Variants in FAM13A observed in about 807,000 individuals in gnomAD.
The protein encoded by FAM13A is family with sequence similarity 13 member A.
In FAM13A, 76 loss-of-function variants were observed where a neutral mutation model predicts 129.6. The ratio of observed to expected loss-of-function variants is 0.59; its 90% confidence interval spans 0.49 to 0.71. The LOEUF is 0.71. FAM13A is among the 30% of genes least tolerant of loss of function. The pLI is 0.00. For missense variants in FAM13A, 1,108 were observed against 1,249.3 expected (o/e 0.89, Z 1.70); for synonymous variants, 443 against 449.9 (o/e 0.98, Z 0.20).
chr4:88,728,790 G>T, intron 23 of FAM13A, 131 bp from the exon 24 acceptor site: 1 of 1,047,572 alleles, frequency 9.5e-7, no homozygotes, highest in Non-Finnish European at 1.4e-6. Flanking sequence ...TTGCCGAGTG[G>T]CCCTTGGTCT....
At chr4:88,982,104 A>G (rs1485379300) in intron 4 of FAM13A, among the ~76,000 whole-genome samples, 2 of 152,246 alleles carry the variant, frequency 1.3e-5, no homozygotes, top group Non-Finnish European at 2.9e-5. Flanking sequence ...GGTAGAGCCA[A>G]GGCAATCTGA....
intron 6 of FAM13A, among the ~76,000 whole-genome samples, chr4:88,889,736 G>A (rs900847323): frequency 2.0e-5 from 3 of 152,084 alleles, no homozygotes; most frequent in Non-Finnish European, 4.4e-5. Context: ...CATTTCAGAG[G>A]GCATGTTTTC....
At position 88,746,971 on chromosome 4, in the gene FAM13A, C is replaced by G; in HGVS notation, c.2427G>C (p.Gln809His). ...TGCTTTCATAATATAACAGAGCTTT[C>G]TGCAGAGCCACTTTCTCATTAGCAA... is the stretch of plus-strand genomic sequence containing the variant. ...DQIANEKVAL[Q>H]KALLYYESIH... The change falls in exon 19 of 24, where the codon CAG becomes CAC. Residue 809 changes from glutamine to histidine, a missense_variant. Gln to His is a conservative substitution (Grantham distance 24, BLOSUM62 0). This residue lies in a region of FAM13A where 529 missense variants were observed against 621.2 expected (regional missense o/e 0.85). Coordinates refer to ENST00000264344, the MANE Select transcript of FAM13A (RefSeq NM_014883.4). 1 of 1,613,814 alleles carries G rather than the reference C, an allele frequency of 6.2e-7. No individual in the cohort carries two copies. The highest frequency in any genetic ancestry group is 8.5e-7 in the Non-Finnish European group (1 of 1,179,718).
In FAM13A at chr4:88,821,710, C is replaced by G. The variant is rs144274527; in HGVS notation, c.1008-16658G>C. On this transcript the variant is annotated intron_variant, in intron 7 of 23. Transcript: ENST00000264344. ...TCAAGACTCCACAAAGTGTTTTAGT[C>G]TCTCACAAGCTTTAAGCATGTGGAC... Among the ~76,000 whole-genome samples the G allele has an allele frequency of 2.3e-4, 35 of 152,256 alleles. 1 individual carries two copies. The East Asian group carries it at 5.8e-3, about 25-fold the overall frequency.
At chr4:88,887,534 C>CTTTCT (rs1479927504) in intron 6 of FAM13A, among the ~76,000 whole-genome samples, 17 of 117,738 alleles carry the variant, frequency 1.4e-4, no homozygotes, top group African/African-American at 4.4e-4. Flanking sequence ...TTCTTTCTTT[C>CTTTCT]TTTTTTTTTT....
intron 3 of FAM13A, among the ~76,000 whole-genome samples, chr4:89,007,063 T>C (rs1463223950): frequency 6.6e-6 from 1 of 152,176 alleles, no homozygotes; most frequent in Non-Finnish European, 1.5e-5. Context: ...GGGTCCAGGC[T>C]TGAGGGTGGA....
intron 5 of FAM13A, among the ~76,000 whole-genome samples, chr4:88,909,263 T>C (rs888714237): frequency 3.9e-5 from 6 of 152,098 alleles, no homozygotes; most frequent in Non-Finnish European, 8.8e-5. Context: ...TCTTCGGCTA[T>C]AAAAAGGAAT....
intron 7 of FAM13A, among the ~76,000 whole-genome samples, chr4:88,807,709 T>A (rs1728855927): frequency 6.6e-6 from 1 of 152,190 alleles, no homozygotes; most frequent in Admixed American, 6.5e-5. Flanking sequence ...CTACATCACC[T>A]TAGTCAAAGT....
chr4:89,008,863 G>C (rs1765391273), intron 3 of FAM13A: 1 of 152,038 alleles, frequency 6.6e-6, no homozygotes, highest in South Asian at 2.1e-4. Context: ...AAACATAATT[G>C]ATGCTCAGAA....
intron 5 of FAM13A, 145 bp from the exon 6 acceptor site, chr4:88,906,607 G>C (rs1748213454): frequency 1.5e-5 from 9 of 613,642 alleles, no homozygotes; most frequent in Non-Finnish European, 2.3e-5. Context: ...TTGTAGTACG[G>C]AGTCAAAACT....
intron 23 of FAM13A, among the ~76,000 whole-genome samples, 162 bp downstream of exon 23, chr4:88,731,165 C>T (rs1737662926): frequency 6.6e-6 from 1 of 152,102 alleles, no homozygotes; most frequent in Non-Finnish European, 1.5e-5. Flanking sequence ...TCACAGTCAA[C>T]CTCTAAGTGT....
At chr4:88,857,047 C>T (rs1332241667) in intron 6 of FAM13A, among the ~76,000 whole-genome samples, 3 of 152,166 alleles carry the variant, frequency 2.0e-5, no homozygotes, top group Non-Finnish European at 4.4e-5. Context: ...TAATGAATCT[C>T]TCCTGTGCCA....
chr4:88,897,899 A>T (rs1284420734), intron 6 of FAM13A, among the ~76,000 whole-genome samples: 2 of 152,124 alleles, frequency 1.3e-5, no homozygotes, highest in Non-Finnish European at 2.9e-5. Flanking sequence ...ATCACCCCAA[A>T]CTAAGTGGAG....
intron 4 of FAM13A, among the ~76,000 whole-genome samples, chr4:88,985,792 T>C (rs1022925802): frequency 2.0e-5 from 3 of 151,530 alleles, no homozygotes; most frequent in East Asian, 1.9e-4. Context: ...AAAAGTACCA[T>C]TGACTAAAAC....
intron 4 of FAM13A, among the ~76,000 whole-genome samples, chr4:88,988,582 GAA>G (rs1368057591): frequency 1.3e-5 from 2 of 151,930 alleles, no homozygotes; most frequent in African/African-American, 4.8e-5. Context: ...TAGTTAATGA[GAA>G]AATGTATAAT....
At chr4:89,055,512 TAG>T (rs1476034785) in intron 1 of FAM13A, among the ~76,000 whole-genome samples, 1 of 152,132 alleles carries the variant, frequency 6.6e-6, no homozygotes, top group African/African-American at 2.4e-5. Context: ...CCAGTCAAGG[TAG>T]AGATCAATAT....
rs912037806 is a variant in FAM13A at position 88,876,131 on chromosome 4, G to T, written c.844-24948C>A. Among the ~76,000 whole-genome samples the T allele has an allele frequency of 2.6e-5, 4 of 152,116 alleles. No individual in the cohort carries two copies. The South Asian group carries it at 8.3e-4, about 32-fold the overall frequency. On this transcript the variant is annotated intron_variant, in intron 6 of 23. Transcript: ENST00000264344. Reference sequence around the variant, plus strand: ...ACAGGGTGGGGAACATCCCACACCAGGGCCTGTCCTGGGATGGGGGGCTGG... The same window carrying T: ...ACAGGGTGGGGAACATCCCACACCATGGCCTGTCCTGGGATGGGGGGCTGG...
At chr4:88,897,179 T>C (rs1746493734) in intron 6 of FAM13A, among the ~76,000 whole-genome samples, 3 of 152,214 alleles carry the variant, frequency 2.0e-5, no homozygotes, top group Admixed American at 2.0e-4. Flanking sequence ...GGACCTATGT[T>C]GTTCTACATT....
chr4:88,748,536 T>C (rs966722159), intron 17 of FAM13A, among the ~76,000 whole-genome samples: 19 of 152,324 alleles, frequency 1.2e-4, no homozygotes, highest in African/African-American at 3.8e-4. Flanking sequence ...CTTTGTATTC[T>C]ATTTAGTTGT....
Sources: allele counts gnomAD v4.1 joint callset (sites outside exome capture counted in the v4.1 genomes callset), GRCh38; gene constraint gnomAD v4.1.1; regional missense constraint gnomAD v4.1.1; transcripts MANE v1.5; gene names NCBI Gene and HGNC (gene_info 2026-07-23, HGNC 2026-07-21).